The following COL4A2 variants were observed in gnomAD, a reference collection of about 807,000 sequenced individuals.
The protein encoded by COL4A2 is collagen alpha-2(IV) chain.
A neutral mutation model predicts 200.2 loss-of-function variants in COL4A2; 99 were observed. The ratio of observed to expected loss-of-function variants is 0.49; its 90% CI spans 0.42 to 0.58. COL4A2 has a LOEUF of 0.58. Among genes scored for constraint, COL4A2 ranks in the 20% least tolerant of loss-of-function variants. COL4A2 has a pLI of 0.00. For missense variants in COL4A2, 1,950 were observed against 2,314.1 expected (o/e 0.84, Z 3.23); for synonymous variants, 897 against 900.6 (o/e 1.00, Z 0.07).
At position 110,466,019 on chromosome 13, in the gene COL4A2, G is replaced by A. The variant is rs1396524367; in HGVS notation, c.1995G>A (p.Val665=). 1.2e-5 allele frequency: 19 copies of A among 1,613,764 alleles called. No individual in the cohort carries two copies. In the Admixed American group the frequency reaches 3.2e-4, roughly 27 times the overall value. ...TCCCCCCAGATTGTGACACAGATGTGAAAAGGGCCGTTGGAGGTGACAGAC... is the reference window on the plus strand; with the variant it reads ...TCCCCCCAGATTGTGACACAGATGTAAAAAGGGCCGTTGGAGGTGACAGAC... ...TPGQIDCDTD[V]KRAVGGDRQE... is the part of the protein sequence containing the mutation. Residue 665 remains valine, a synonymous_variant, in exon 26 of 48, where the codon GTG becomes GTA. Transcript: ENST00000360467.
chr13:110,437,242 T>C (rs1310696467), intron 13 of COL4A2, among the ~76,000 whole-genome samples: 1 of 152,178 alleles, frequency 6.6e-6, no homozygotes, highest in African/African-American at 2.4e-5. Flanking sequence ...TGAGTGACCG[T>C]TGACAAAAAT....
At chr13:110,472,751 C>T (rs374465181) in intron 28 of COL4A2, among the ~76,000 whole-genome samples, 178 bp from the exon 29 acceptor site, 2 of 152,018 alleles carry the variant, frequency 1.3e-5, no homozygotes, top group Non-Finnish European at 2.9e-5. Context: ...ACCAACAGAA[C>T]GACATGGCGA....
chr13:110,322,543 G>A (rs9588138), intron 3 of COL4A2, among the ~76,000 whole-genome samples: 2 of 152,012 alleles, frequency 1.3e-5, no homozygotes, highest in Non-Finnish European at 2.9e-5. Flanking sequence ...AAGGGGAGAA[G>A]ACATATGGGG....
chr13:110,466,077 G>T lies in COL4A2; in HGVS notation c.2038+15G>T. The T allele has an allele frequency of 6.2e-7, 1 of 1,612,482 alleles. No homozygotes were observed. Among genetic ancestry groups the T allele is most frequent in the South Asian group, 1.1e-5 (1 of 90,940 alleles). On this transcript the variant is annotated intron_variant, in intron 26 of 47. Transcript: ENST00000360467. ...CATCCAGCCAGGTACTCTGGGAAGT[G>T]CAGGTGGCTTTAGGACACTAGAGAA...
intron 4 of COL4A2, among the ~76,000 whole-genome samples, chr13:110,405,776 T>C (rs958448418): frequency 6.6e-6 from 1 of 152,096 alleles, no homozygotes; most frequent in Admixed American, 6.5e-5. Context: ...GAGGGGAGAG[T>C]GACTCATGTC....
intron 3 of COL4A2, among the ~76,000 whole-genome samples, chr13:110,349,790 GTC>G (rs1166849049): frequency 2.0e-5 from 3 of 151,478 alleles, no homozygotes; most frequent in African/African-American, 7.3e-5. Flanking sequence ...TTGAGACACA[GTC>G]TCACTCCGTC....
At chr13:110,378,891 GAC>G (rs1326545280) in intron 4 of COL4A2, among the ~76,000 whole-genome samples, 3 of 152,132 alleles carry the variant, frequency 2.0e-5, no homozygotes, top group East Asian at 1.9e-4. Flanking sequence ...GGTGTCGGTG[GAC>G]ACAGTCATGA....
intron 40 of COL4A2, among the ~76,000 whole-genome samples, chr13:110,498,099 G>A (rs1172086243): frequency 1.3e-5 from 2 of 152,244 alleles, no homozygotes; most frequent in African/African-American, 2.4e-5. Context: ...CACCTGTTGG[G>A]TTCTTGTTCT....
At chr13:110,453,220 G>A (rs1005280912) in intron 20 of COL4A2, among the ~76,000 whole-genome samples, 1 of 152,126 alleles carries the variant, frequency 6.6e-6, no homozygotes, top group Admixed American at 6.5e-5. Flanking sequence ...CACTTTAACG[G>A]CCAGGCATGG....
At chr13:110,449,528 C>A in intron 18 of COL4A2, 151 bp from the exon 19 acceptor site, 2 of 660,310 alleles carry the variant, frequency 3.0e-6, no homozygotes, top group Non-Finnish European at 2.4e-6. Context: ...AAAAGAGAGA[C>A]CACCCCATGT....
intron 3 of COL4A2, among the ~76,000 whole-genome samples, chr13:110,342,860 C>A (rs1334968121): frequency 2.6e-5 from 4 of 152,184 alleles, no homozygotes; most frequent in Non-Finnish European, 5.9e-5. Flanking sequence ...TCATAGCACT[C>A]TGGAGCCCAG....
chr13:110,512,334 C>A lies in COL4A2; in HGVS notation c.*143C>A. On this transcript the variant is annotated 3_prime_UTR_variant, in exon 48 of 48. Coordinates refer to ENST00000360467, the MANE Select transcript of COL4A2 (RefSeq NM_001846.4). ...TTGCATCCAGCAGCAGCACTTAGAC[C>A]TGCCAGCCACTGTCACCGAGCGGGT... The A allele has an allele frequency of 7.5e-7, 1 of 1,337,998 alleles. No individual in the cohort carries two copies. Among genetic ancestry groups the A allele is most frequent in the African/African-American group, 1.5e-5 (1 of 67,784 alleles). The allele number at this position is 1,337,998 out of a possible 1,614,324, so 82.9% of individuals were successfully genotyped here. A position where few individuals can be genotyped will look rare whatever the true frequency, so the allele number is the denominator to read the frequency against.
rs191997355 is a variant in COL4A2 at position 110,381,728 on chromosome 13, T to A, written c.180+24176T>A. Among the ~76,000 whole-genome samples the A allele has an allele frequency of 2.3e-3, 344 of 152,314 alleles. 1 individual carries two copies. Among genetic ancestry groups the A allele is most frequent in the Non-Finnish European group, 3.2e-3 (216 of 68,018 alleles). On this transcript the variant is annotated intron_variant, in intron 4 of 47. Transcript: ENST00000360467. ...GACGCAGTCTGGGATTGAATCTGCC[T>A]CACTCCTTTTTCACTCCCTTTCAGA...
In COL4A2 at chr13:110,512,195, G is replaced by T; in HGVS notation, c.*4G>T. ...GGTGTGCATGAAGAACCTGTGAGCC[G>T]GCGCGTGCCAGGAAGGGCCATTTTG... On this transcript the variant is annotated 3_prime_UTR_variant, in exon 48 of 48. Coordinates refer to ENST00000360467, the MANE Select transcript of COL4A2 (RefSeq NM_001846.4). The T allele has an allele frequency of 6.2e-7, 1 of 1,608,888 alleles. No homozygotes were observed. Among genetic ancestry groups the T allele is most frequent in the Non-Finnish European group, 8.5e-7 (1 of 1,177,582 alleles).
At chr13:110,511,666 G>A (rs1884084047) in intron 47 of COL4A2, among the ~76,000 whole-genome samples, 2 of 152,190 alleles carry the variant, frequency 1.3e-5, no homozygotes, top group African/African-American at 2.4e-5. Flanking sequence ...AGTTCTTACC[G>A]AACGGCCAGC....
chr13:110,314,156 T>C (rs1239144253), intron 3 of COL4A2, among the ~76,000 whole-genome samples: 1 of 152,260 alleles, frequency 6.6e-6, no homozygotes, highest in East Asian at 1.9e-4. Flanking sequence ...TTCACAGAAA[T>C]GTGCCATAGT....
At chr13:110,464,970 A>G (rs1882175519) in intron 24 of COL4A2, among the ~76,000 whole-genome samples, 1 of 152,204 alleles carries the variant, frequency 6.6e-6, no homozygotes. Flanking sequence ...TTCCTTGTCC[A>G]AATTAGCTTC....
At chr13:110,472,851 C>G (rs1448335110) in intron 28 of COL4A2, 78 bp from the exon 29 acceptor site, 1 of 1,426,602 alleles carries the variant, frequency 7.0e-7, no homozygotes. Context: ...TTTGCTGTTT[C>G]CAGCCTCTTT....
intron 28 of COL4A2, 92 bp downstream of exon 28, chr13:110,469,416 T>C: frequency 1.6e-6 from 2 of 1,284,532 alleles, no homozygotes; most frequent in Non-Finnish European, 2.1e-6. Flanking sequence ...TCTTCCACTT[T>C]GTAGAAGCTG....
Sources: allele counts gnomAD v4.1 joint callset (sites outside exome capture counted in the v4.1 genomes callset), GRCh38; gene constraint gnomAD v4.1.1; transcripts MANE v1.5; gene names NCBI Gene and HGNC (gene_info 2026-07-23, HGNC 2026-07-21).